The following ITPR1 variants were observed in gnomAD, a reference collection of about 807,000 sequenced individuals.
The protein encoded by ITPR1 is inositol 1,4,5-trisphosphate-gated calcium channel ITPR1.
In ITPR1, 96 loss-of-function variants were observed where a neutral mutation model predicts 318.4. That is an observed-to-expected ratio of 0.30 (90% CI 0.26 to 0.36). ITPR1 has a LOEUF of 0.36. Ranked by LOEUF, ITPR1 falls within the 10% of genes least tolerant of loss-of-function variation. ITPR1 has a pLI of 1.00. For missense variants in ITPR1, 2,440 were observed against 3,460.2 expected (o/e 0.71, Z 7.40); for synonymous variants, 1,312 against 1,289.9 (o/e 1.02, Z -0.37).
intron 58 of ITPR1, chr3:4,814,809 C>G: frequency 1.7e-6 from 1 of 599,012 alleles, no homozygotes; most frequent in Non-Finnish European, 2.9e-6. Flanking sequence ...CTGTTTCCAT[C>G]AGGGTTAGGC....
intron 39 of ITPR1, among the ~76,000 whole-genome samples, chr3:4,712,608 A>C (rs1022534400): frequency 6.6e-6 from 1 of 152,248 alleles, no homozygotes; most frequent in Non-Finnish European, 1.5e-5. Context: ...TGCTGATATC[A>C]CTGACTTATC....
intron 44 of ITPR1, among the ~76,000 whole-genome samples, chr3:4,743,835 CTGTT>C (rs539367727): frequency 2.6e-5 from 4 of 152,070 alleles, no homozygotes; most frequent in South Asian, 4.1e-4. Context: ...GTTCGTTTGT[CTGTT>C]TGTTTGTTTG....
At chr3:4,572,708 C>G (rs1447292710) in intron 4 of ITPR1, among the ~76,000 whole-genome samples, 4 of 152,218 alleles carry the variant, frequency 2.6e-5, no homozygotes, top group Non-Finnish European at 5.9e-5. Flanking sequence ...TCTTGCAGAT[C>G]TGAAGTTCTG....
intron 4 of ITPR1, among the ~76,000 whole-genome samples, chr3:4,559,575 C>T (rs1201535409): frequency 1.3e-5 from 2 of 152,100 alleles, no homozygotes; most frequent in East Asian, 1.9e-4. Context: ...AATGATTATT[C>T]TCCAGTATTT....
At chr3:4,532,412 T>G (rs1189176816) in intron 4 of ITPR1, among the ~76,000 whole-genome samples, 1 of 152,218 alleles carries the variant, frequency 6.6e-6, no homozygotes, top group Non-Finnish European at 1.5e-5. Flanking sequence ...TAGCTCAGGC[T>G]GGAGAGCAGT....
chr3:4,680,813 G>A (rs2094282921), intron 25 of ITPR1, 122 bp downstream of exon 25: 1 of 807,658 alleles, frequency 1.2e-6, no homozygotes, highest in Middle Eastern at 2.3e-4. Context: ...TTGCACCAGG[G>A]CATCATCCTG....
At chr3:4,499,134 A>T (rs1193454013) in intron 2 of ITPR1, among the ~76,000 whole-genome samples, 1 of 152,230 alleles carries the variant, frequency 6.6e-6, no homozygotes, top group Non-Finnish European at 1.5e-5. Context: ...ACTGTACTCC[A>T]GCAAGACCCC....
At chr3:4,548,996 G>A (rs1234583411) in intron 4 of ITPR1, among the ~76,000 whole-genome samples, 1 of 152,140 alleles carries the variant, frequency 6.6e-6, no homozygotes, top group East Asian at 1.9e-4. Context: ...TTCGGGAGGG[G>A]GGGACTTGTT....
intron 60 of ITPR1, chr3:4,825,911 G>A (rs927986017): frequency 2.5e-6 from 1 of 395,740 alleles, no homozygotes. Context: ...TGGGGGAAAA[G>A]ATGGTGGCAG....
At chr3:4,646,153 T>C (rs937982296) in intron 10 of ITPR1, 43 of 175,230 alleles carry the variant, frequency 2.5e-4, no homozygotes, top group African/African-American at 1.0e-3. Flanking sequence ...CCTGACACAA[T>C]ACATAGGTGA....
intron 44 of ITPR1, among the ~76,000 whole-genome samples, chr3:4,745,342 C>T (rs79131970): frequency 2.0e-5 from 3 of 152,244 alleles, no homozygotes; most frequent in South Asian, 2.1e-4. Context: ...AGATTCGGGA[C>T]GCAGACAAAG....
intron 4 of ITPR1, among the ~76,000 whole-genome samples, chr3:4,536,568 G>A (rs1048159831): frequency 6.6e-6 from 1 of 152,232 alleles, no homozygotes; most frequent in African/African-American, 2.4e-5. Flanking sequence ...TTTATGAAGA[G>A]AGATGAGTGA....
chr3:4,765,552 G>A (rs1299008672), intron 44 of ITPR1, among the ~76,000 whole-genome samples: 1 of 152,172 alleles, frequency 6.6e-6, no homozygotes, highest in Admixed American at 6.5e-5. Context: ...TTCTTTCTGG[G>A]ATTGGAAGCC....
chr3:4,530,927 G>A (rs887034511), intron 4 of ITPR1, among the ~76,000 whole-genome samples: 18 of 151,998 alleles, frequency 1.2e-4, no homozygotes, highest in Non-Finnish European at 8.8e-5. Flanking sequence ...CTATAGTTTT[G>A]AGATTCCTTG....
chr3:4,681,296 G>T, intron 25 of ITPR1, 68 bp from the exon 26 acceptor site: 1 of 1,078,472 alleles, frequency 9.3e-7, no homozygotes, highest in Non-Finnish European at 1.4e-6. Context: ...CAAAACTTAT[G>T]GATGAGTTCA....
chr3:4,818,768 T>C (rs1370084415), intron 60 of ITPR1, among the ~76,000 whole-genome samples: 3 of 152,116 alleles, frequency 2.0e-5, no homozygotes, highest in Non-Finnish European at 4.4e-5. Flanking sequence ...CAAATTAATC[T>C]TTTCGCTGAT....
chr3:4,628,148 G>C (rs1023072121), intron 5 of ITPR1, among the ~76,000 whole-genome samples: 1 of 152,190 alleles, frequency 6.6e-6, no homozygotes, highest in Non-Finnish European at 1.5e-5. Flanking sequence ...ACAGGCACTG[G>C]AAGCAAACTG....
intron 40 of ITPR1, among the ~76,000 whole-genome samples, chr3:4,723,533 A>G (rs994351815): frequency 6.6e-6 from 1 of 152,146 alleles, no homozygotes; most frequent in Non-Finnish European, 1.5e-5. Flanking sequence ...ATAGTGTGTC[A>G]GTACAATCAT....
chr3:4,553,407 AT>A (rs773113414), intron 4 of ITPR1, among the ~76,000 whole-genome samples: 1 of 152,068 alleles, frequency 6.6e-6, no homozygotes, highest in Non-Finnish European at 1.5e-5. Context: ...TGACTAAGAC[AT>A]TTGAAGTTTG....
Sources: allele counts gnomAD v4.1 joint callset (sites outside exome capture counted in the v4.1 genomes callset), GRCh38; gene constraint gnomAD v4.1.1; transcripts MANE v1.5; gene names NCBI Gene and HGNC (gene_info 2026-07-23, HGNC 2026-07-21).